FGF14: variants seen among roughly 807,000 people sequenced by gnomAD.
FGF14 encodes fibroblast growth factor 14, also known as fibroblast growth factor homologous factor 4.
A neutral mutation model predicts 25.5 loss-of-function variants in FGF14; 5 were observed. The ratio of observed to expected loss-of-function variants is 0.20; its 90% CI spans 0.10 to 0.41. FGF14 has a LOEUF of 0.41. Ranked by LOEUF, FGF14 falls within the 10% of genes least tolerant of loss-of-function variation. The pLI is 1.00. For synonymous variants in FGF14, 138 were observed against 118.3 expected (o/e 1.17, Z -1.08); for missense variants, 222 against 320.1 (o/e 0.69, Z 2.34).
chr13:101,755,448 G>A (rs1336208361), intron 3 of FGF14, among the ~76,000 whole-genome samples: 1 of 152,016 alleles, frequency 6.6e-6, no homozygotes, highest in African/African-American at 2.4e-5. Context: ...TTGCAGTGAG[G>A]TATGATCACA....
chr13:102,235,429 A>C (rs560135587), intron 1 of FGF14, among the ~76,000 whole-genome samples: 78 of 152,208 alleles, frequency 5.1e-4, no homozygotes, highest in South Asian at 1.2e-3. Flanking sequence ...TCTGTGAGCC[A>C]TAAGTGCCCT....
intron 1 of FGF14, among the ~76,000 whole-genome samples, chr13:102,145,052 A>C (rs2046797303): frequency 6.6e-6 from 1 of 152,138 alleles, no homozygotes; most frequent in Non-Finnish European, 1.5e-5. Flanking sequence ...ATGCTATCTG[A>C]CTAATGTGAT....
At chr13:102,071,209 G>A (rs1283041809) in intron 1 of FGF14, among the ~76,000 whole-genome samples, 4 of 152,142 alleles carry the variant, frequency 2.6e-5, no homozygotes, top group African/African-American at 9.7e-5. Flanking sequence ...ATCGTGGGTG[G>A]AAAAGTAACA....
chr13:101,895,096 TA>T (rs1194872496), intron 1 of FGF14, among the ~76,000 whole-genome samples: 1 of 152,196 alleles, frequency 6.6e-6, no homozygotes, highest in Non-Finnish European at 1.5e-5. Context: ...GAAATTCTGT[TA>T]ATATTAATAT....
chr13:102,373,757 A>G (rs2057953676), intron 1 of FGF14: 1 of 152,194 alleles, frequency 6.6e-6, no homozygotes, highest in Admixed American at 6.6e-5. Flanking sequence ...AAACTTTGGT[A>G]GTGAGGTGCT....
intron 3 of FGF14, among the ~76,000 whole-genome samples, chr13:101,849,861 G>A (rs1437767277): frequency 6.6e-6 from 1 of 152,000 alleles, no homozygotes; most frequent in Non-Finnish European, 1.5e-5. Context: ...AGTGAACTTG[G>A]GAGACTCATT....
chr13:102,155,616 A>C (rs556958749), intron 1 of FGF14, among the ~76,000 whole-genome samples: 32 of 152,286 alleles, frequency 2.1e-4, no homozygotes, highest in Non-Finnish European at 3.5e-4. Flanking sequence ...GAAAAGCAAG[A>C]GCAAACACAT....
intron 1 of FGF14, among the ~76,000 whole-genome samples, chr13:101,962,302 T>C (rs2036908694): frequency 6.6e-6 from 1 of 152,226 alleles, no homozygotes; most frequent in Non-Finnish European, 1.5e-5. Flanking sequence ...TCCTAGGTAT[T>C]TGATTCTCTT....
intron 1 of FGF14, among the ~76,000 whole-genome samples, chr13:102,397,327 C>T (rs1017665370): frequency 3.9e-5 from 6 of 152,144 alleles, no homozygotes; most frequent in African/African-American, 1.4e-4. Context: ...GAAAGGCAGC[C>T]AGACAAGTAG....
chr13:101,968,289 AT>A (rs1455600078), intron 1 of FGF14, among the ~76,000 whole-genome samples: 1 of 152,210 alleles, frequency 6.6e-6, no homozygotes, highest in African/African-American at 2.4e-5. Flanking sequence ...AGTCTAAAAA[AT>A]ATTTTTTGCA....
chr13:102,302,023 CTT>C (rs1446317140), intron 1 of FGF14, among the ~76,000 whole-genome samples: 4 of 152,110 alleles, frequency 2.6e-5, no homozygotes. Context: ...AATGTCCACA[CTT>C]TTAGATAGGG....
chr13:102,021,873 A>T lies in FGF14; in HGVS notation c.209-146577T>A, dbSNP rs1024906515. 2.0e-5 allele frequency among the ~76,000 whole-genome samples: 3 copies of T among 152,078 alleles called. No homozygotes were observed. The East Asian group carries it at 5.8e-4, about 29-fold the overall frequency. On this transcript the variant is annotated intron_variant, in intron 1 of 4. Transcript: ENST00000376131. Reference sequence around the variant, plus strand: ...CATGACTTCTATTCTTAGTTCTTCTACTAATAGATCATAAGCAACTACCTA... The same window carrying T: ...CATGACTTCTATTCTTAGTTCTTCTTCTAATAGATCATAAGCAACTACCTA...
intron 1 of FGF14, among the ~76,000 whole-genome samples, chr13:102,172,125 T>C (rs1329007916): frequency 3.3e-5 from 5 of 151,950 alleles, no homozygotes; most frequent in Admixed American, 2.0e-4. Flanking sequence ...CCCCTACACC[T>C]GGCCCTCTTC....
chr13:102,392,716 CCTT>C (rs1252722624), intron 1 of FGF14, among the ~76,000 whole-genome samples: 4 of 152,140 alleles, frequency 2.6e-5, no homozygotes, highest in Non-Finnish European at 4.4e-5. Context: ...CCAGACTCCT[CCTT>C]CAACTTCCTT....
intron 1 of FGF14, among the ~76,000 whole-genome samples, chr13:102,124,670 G>C (rs565225245): frequency 6.6e-6 from 1 of 152,146 alleles, no homozygotes; most frequent in East Asian, 1.9e-4. Context: ...CCTCATCCAG[G>C]AGCAGGAGGG....
intron 3 of FGF14, among the ~76,000 whole-genome samples, chr13:101,838,370 G>C (rs2043031398): frequency 6.6e-6 from 1 of 151,956 alleles, no homozygotes; most frequent in Admixed American, 6.6e-5. Flanking sequence ...GCTCCCCTGT[G>C]ATTCCCAGCC....
chr13:102,208,407 A>G (rs1348334260), intron 1 of FGF14, among the ~76,000 whole-genome samples: 1 of 152,234 alleles, frequency 6.6e-6, no homozygotes. Context: ...TTCCATAAAA[A>G]CAGTAATTAA....
At chr13:102,246,817 G>C (rs1594567858) in intron 1 of FGF14, among the ~76,000 whole-genome samples, 1 of 151,574 alleles carries the variant, frequency 6.6e-6, no homozygotes, top group Middle Eastern at 3.4e-3. Context: ...AAAACTGGAG[G>C]CTTCACGTAA....
chr13:102,026,077 T>C (rs1249778392), intron 1 of FGF14, among the ~76,000 whole-genome samples: 1 of 151,874 alleles, frequency 6.6e-6, no homozygotes, highest in Admixed American at 6.6e-5. Context: ...CTGATGTTGA[T>C]GTGCTTTTTT....
Sources: allele counts gnomAD v4.1 joint callset (sites outside exome capture counted in the v4.1 genomes callset), GRCh38; gene constraint gnomAD v4.1.1; transcripts MANE v1.5; gene names NCBI Gene and HGNC (gene_info 2026-07-23, HGNC 2026-07-21).